DLGAP5: variants seen among roughly 807,000 people sequenced by gnomAD.
DLGAP5 encodes the protein disks large-associated protein 5.
Under a neutral mutation model 99.6 loss-of-function variants are expected in DLGAP5, and 90 were observed. The ratio of observed to expected loss-of-function variants is 0.90; its 90% CI spans 0.76 to 1.08. The LOEUF (loss-of-function observed/expected upper bound fraction) is 1.08, where lower values mean the gene tolerates loss of function less well. Among genes scored for constraint, DLGAP5 ranks in the 50% least tolerant of loss-of-function variants. The probability of loss-of-function intolerance (pLI) is 0.00; values close to 1 mark genes in which losing one functional copy is unlikely to be tolerated. For missense variants in DLGAP5, 1,036 were observed against 983.5 expected, an observed-to-expected ratio of 1.05 and a Z score of -0.71; for synonymous variants, 311 against 321.3, an observed-to-expected ratio of 0.97 and a Z score of 0.34.
chr14:55,149,447 A>T (rs1463151191), intron 18 of DLGAP5, among the ~76,000 whole-genome samples: 1 of 152,222 alleles, frequency 6.6e-6, no homozygotes, highest in Non-Finnish European at 1.5e-5. Context: ...CAAAAAAGGC[A>T]GCTTTGAAAA....
intron 13 of DLGAP5, among the ~76,000 whole-genome samples, chr14:55,159,046 C>G (rs10143190): frequency 7.6e-6 from 1 of 131,782 alleles, no homozygotes; most frequent in Non-Finnish European, 1.5e-5. Flanking sequence ...CCATGACACC[C>G]CCCCCCCATA....
At chr14:55,164,629 A>G (rs1882570821) in intron 12 of DLGAP5, among the ~76,000 whole-genome samples, 1 of 149,926 alleles carries the variant, frequency 6.7e-6, no homozygotes, top group Non-Finnish European at 1.5e-5. Flanking sequence ...AACATAAAAG[A>G]AAAAAAAAAT....
chr14:55,182,154 A>G (rs969276668), intron 4 of DLGAP5, among the ~76,000 whole-genome samples: 1 of 152,224 alleles, frequency 6.6e-6, no homozygotes, highest in Admixed American at 6.5e-5. Flanking sequence ...AGTGTGACAC[A>G]AAGACAGTTT....
In DLGAP5 at chr14:55,185,906, G is replaced by A. The variant is rs141980534; in HGVS notation, c.239-2153C>T. Among the ~76,000 whole-genome samples, 524 of 152,282 alleles carry A rather than the reference G, an allele frequency of 3.4e-3. 3 individuals carry two copies. The highest frequency in any genetic ancestry group is 0.012 in the African/African-American group (481 of 41,552). On this transcript the variant is annotated intron_variant, in intron 2 of 18. Transcript: ENST00000247191. ...ATTCAATAATTATGAACATTTTGCT[G>A]CAGTTGTTTAAAACAAATTATGCTT...
intron 7 of DLGAP5, among the ~76,000 whole-genome samples, chr14:55,177,735 C>T (rs1374510080): frequency 2.6e-5 from 4 of 151,276 alleles, no homozygotes; most frequent in Non-Finnish European, 5.9e-5. Context: ...GACGGGGTTT[C>T]GCTGTGTTAG....
Position 55,163,002 on chromosome 14 carries a change from ATATTAT to A in DLGAP5, c.1616_1621del (p.Asn539_Asn540del), listed in dbSNP as rs778754711. On this transcript the variant is annotated inframe_deletion, in exon 13 of 19. Coordinates refer to ENST00000247191, the MANE Select transcript of DLGAP5 (RefSeq NM_014750.5). The stretch of plus-strand genomic sequence containing the variant: ...GACATTTTTGTTCATATTATGATTC[ATATTAT>A]TATTGACTTGCCACCCAGATTCCTC... 3 of 1,598,896 alleles carry A rather than the reference ATATTAT, an allele frequency of 1.9e-6. No homozygotes were observed. In the African/African-American group the frequency reaches 4.0e-5, roughly 21 times the overall value.
intron 14 of DLGAP5, among the ~76,000 whole-genome samples, chr14:55,155,683 A>C (rs1241935528): frequency 2.0e-5 from 3 of 152,164 alleles, no homozygotes; most frequent in Non-Finnish European, 4.4e-5. Flanking sequence ...CTACAAGGAC[A>C]AAGGAAACTA....
Position 55,151,671 on chromosome 14 carries a change from T to A in DLGAP5, c.2368+24A>T. 5 of 1,600,252 alleles carry A rather than the reference T, an allele frequency of 3.1e-6. No homozygotes were observed. The African/African-American group carries it at 5.4e-5, about 17-fold the overall frequency. On this transcript the variant is annotated intron_variant, in intron 17 of 18. Transcript: ENST00000247191. ...GTTCATTTCTTTAATAAAGGCTCGT[T>A]TAAATATATTTTAAATATCTCACCT...
In DLGAP5 at chr14:55,177,054, AT is replaced by A; in HGVS notation, c.1049+7del. ...GCAAGAGACTTATTATTAAGATCAT[AT>A]TCTTACACTTCTGTTTTTAAAGGAG... is the stretch of plus-strand genomic sequence containing the variant. On this transcript the variant is annotated splice_region_variant and intron_variant, in intron 8 of 18. Transcript: ENST00000247191. The A allele has an allele frequency of 7.1e-7, 1 of 1,408,730 alleles. No homozygotes were observed. The highest frequency in any genetic ancestry group is 9.3e-7 in the Non-Finnish European group (1 of 1,079,340). 87.3% of individuals were successfully genotyped at this position (1,408,730 alleles called of 1,614,324 possible).
At chr14:55,162,557 G>T (rs1269450822) in intron 13 of DLGAP5, among the ~76,000 whole-genome samples, 3 of 151,538 alleles carry the variant, frequency 2.0e-5, no homozygotes, top group Admixed American at 2.0e-4. Flanking sequence ...AGGCGGAGCT[G>T]GCAGTGAGCT....
chr14:55,169,360 A>AG lies in DLGAP5; in HGVS notation c.1548+38dup, dbSNP rs746847887. The AG allele has an allele frequency of 4.7e-6, 6 of 1,285,308 alleles. No individual in the cohort carries two copies. In the Admixed American group the frequency reaches 9.0e-5, roughly 19 times the overall value. The allele number at this position is 1,285,308 out of a possible 1,614,324, so 79.6% of individuals were successfully genotyped here. A position where few individuals can be genotyped will look rare whatever the true frequency, so the allele number is the denominator to read the frequency against. On this transcript the variant is annotated intron_variant, in intron 12 of 18. Transcript: ENST00000247191. ...TGCTACTTAAAAAAAAAAAAAAAAA[A>AG]GCCCTAAGTTAATATATTTGAAATA...
chr14:55,153,441 T>C (rs919365335), intron 15 of DLGAP5, among the ~76,000 whole-genome samples: 10 of 151,164 alleles, frequency 6.6e-5, no homozygotes, highest in Non-Finnish European at 1.3e-4. Context: ...CTTGGGAGGC[T>C]GAGGCAGGAG....
intron 7 of DLGAP5, among the ~76,000 whole-genome samples, chr14:55,178,464 T>C (rs1210399937): frequency 5.3e-5 from 8 of 152,248 alleles, no homozygotes; most frequent in South Asian, 2.1e-4. Context: ...TACTTGGTAT[T>C]TAAATAATTT....
intron 13 of DLGAP5, among the ~76,000 whole-genome samples, chr14:55,161,993 T>C (rs1187522313): frequency 6.6e-6 from 1 of 151,642 alleles, no homozygotes; most frequent in African/African-American, 2.4e-5. Context: ...GATTACATAG[T>C]ATAATAAAAT....
chr14:55,173,543 T>C (rs756958376), intron 10 of DLGAP5, among the ~76,000 whole-genome samples: 3 of 152,060 alleles, frequency 2.0e-5, no homozygotes, highest in Non-Finnish European at 4.4e-5. Flanking sequence ...GCAAACAGAA[T>C]AGTGTGTATT....
At chr14:55,183,969 G>A (rs1306543615) in intron 2 of DLGAP5, among the ~76,000 whole-genome samples, 4 of 152,052 alleles carry the variant, frequency 2.6e-5, no homozygotes, top group African/African-American at 4.8e-5. Flanking sequence ...CCTGGCCAAC[G>A]TGGTGAAATC....
chr14:55,190,906 C>T (rs1883593799), intron 1 of DLGAP5, among the ~76,000 whole-genome samples: 2 of 152,166 alleles, frequency 1.3e-5, no homozygotes, highest in Admixed American at 1.3e-4. Flanking sequence ...AGAGAAAGAG[C>T]GAGCGAGGAC....
At chr14:55,165,530 C>CAA (rs990774030) in intron 12 of DLGAP5, among the ~76,000 whole-genome samples, 2 of 144,326 alleles carry the variant, frequency 1.4e-5, no homozygotes, top group African/African-American at 5.2e-5. Flanking sequence ...ACTTAAAAAA[C>CAA]AAAAAAAAAA....
In DLGAP5 at chr14:55,152,586, T is replaced by C. The variant is rs544266285; in HGVS notation, c.2121+4A>G. 1 of 1,600,190 alleles carries C rather than the reference T, an allele frequency of 6.2e-7. No individual in the cohort carries two copies. The highest frequency in any genetic ancestry group is 1.1e-5 in the South Asian group (1 of 87,790). On this transcript the variant is annotated splice_donor_region_variant and intron_variant, in intron 16 of 18. Transcript: ENST00000247191. ...CTATCTAACCACACTGGAATTGTAC[T>C]TACATGATTTTCTTCAATTAAATCT...
Sources: allele counts gnomAD v4.1 joint callset (sites outside exome capture counted in the v4.1 genomes callset), GRCh38; gene constraint gnomAD v4.1.1; transcripts MANE v1.5; gene names NCBI Gene and HGNC (gene_info 2026-07-23, HGNC 2026-07-21).